GUCY2F: variants seen among roughly 807,000 people sequenced by gnomAD.
The protein encoded by GUCY2F is retinal guanylyl cyclase 2.
A neutral mutation model predicts 73.1 loss-of-function variants in GUCY2F; 61 were observed. The ratio of observed to expected loss-of-function variants is 0.83; its 90% CI spans 0.68 to 1.03. The LOEUF is 1.03. GUCY2F is among the 50% of genes least tolerant of loss of function. The probability of loss-of-function intolerance (pLI) is 0.00; values close to 1 mark genes in which losing one functional copy is unlikely to be tolerated. For synonymous variants in GUCY2F, 331 were observed against 307.8 expected (o/e 1.08, Z -0.79); for missense variants, 912 against 854.3 (o/e 1.07, Z -0.84).
At chrX:109,450,027 G>A (rs187965854) in intron 5 of GUCY2F, among the ~76,000 whole-genome samples, 105 of 111,326 alleles carry the variant, frequency 9.4e-4, no homozygotes, top group Admixed American at 9.2e-3. Context: ...TCTGATTGCA[G>A]CCGTGGTGGG....
At chrX:109,448,759 G>T (rs1157602994) in intron 5 of GUCY2F, among the ~76,000 whole-genome samples, 4 of 112,133 alleles carry the variant, frequency 3.6e-5, no homozygotes, top group African/African-American at 1.3e-4. Flanking sequence ...CAAAGCAACA[G>T]GTTGAAAAGT....
At chrX:109,435,139 A>G (rs1216265040) in intron 7 of GUCY2F, among the ~76,000 whole-genome samples, 1 of 111,603 alleles carries the variant, frequency 9.0e-6, no homozygotes, top group East Asian at 2.8e-4. Flanking sequence ...TGAGCTTTAA[A>G]GTAGTTTTTT....
chrX:109,413,976 C>T (rs914501147), intron 8 of GUCY2F, among the ~76,000 whole-genome samples: 5 of 107,729 alleles, frequency 4.6e-5, no homozygotes, highest in African/African-American at 1.4e-4. Flanking sequence ...GGCAGAGTCT[C>T]GCTCTCGCTC....
At chrX:109,423,749 A>G (rs1258879661) in intron 8 of GUCY2F, among the ~76,000 whole-genome samples, 1 of 108,957 alleles carries the variant, frequency 9.2e-6, no homozygotes, top group African/African-American at 3.3e-5. Flanking sequence ...TAGCTGAAGC[A>G]GTGCTTAGAG....
Position 109,409,060 on chromosome X carries a change from T to A in GUCY2F, c.1900A>T (p.Ile634Leu). 1 of 1,110,318 alleles carries A rather than the reference T, an allele frequency of 9.0e-7. No homozygotes were observed. Among genetic ancestry groups the A allele is most frequent in the Middle Eastern group, 2.4e-4 (1 of 4,111 alleles). 91.5% of individuals were successfully genotyped at this position (1,110,318 alleles called of 1,213,427 possible). A position where few individuals can be genotyped will look rare whatever the true frequency, so the allele number is the denominator to read the frequency against. The change falls in exon 9 of 20, where the codon ATA becomes TTA. Residue 634 changes from isoleucine (I) to leucine (L), a missense_variant. Physicochemically the swap from Ile to Leu is conservative, Grantham distance 5. Coordinates refer to ENST00000218006, the MANE Select transcript of GUCY2F (RefSeq NM_001522.3). Reference sequence around the variant, plus strand: ...AGTTTCACATCTTGATTTGTCAGTATGTCTTCTAGGCTCCCTCGGGAACAG... The same window carrying A: ...AGTTTCACATCTTGATTTGTCAGTAAGTCTTCTAGGCTCCCTCGGGAACAG... ...EFCSRGSLEDILTNQDVKLDW... is the reference protein window; with the variant it reads ...EFCSRGSLEDLLTNQDVKLDW...
rs990076779 is a variant in GUCY2F, at chrX:109,478,325, C to T, written c.-85-2304G>A. 1.2e-4 allele frequency among the ~76,000 whole-genome samples: 14 copies of T among 112,006 alleles called. No homozygotes were observed. In the Admixed American group the frequency reaches 1.3e-3, roughly 11 times the overall value. On this transcript the variant is annotated intron_variant, in intron 1 of 19. Transcript: ENST00000218006. The stretch of plus-strand genomic sequence containing the variant: ...CTCTGCCATGGCAAAATTTGGGAGG[C>T]AGGACACTGTAGGAGCCACTCATCT...
intron 3 of GUCY2F, among the ~76,000 whole-genome samples, chrX:109,455,393 A>G (rs1932237217): frequency 8.9e-6 from 1 of 111,805 alleles, no homozygotes; most frequent in African/African-American, 3.3e-5. Flanking sequence ...TTGTCTAACT[A>G]TCTTACTTTA....
intron 12 of GUCY2F, among the ~76,000 whole-genome samples, chrX:109,394,070 C>A (rs186257851): frequency 7.0e-4 from 78 of 111,674 alleles, no homozygotes; most frequent in African/African-American, 2.5e-3. Context: ...ATTGCCTAAC[C>A]CAGGGAACCT....
chrX:109,459,738 C>A (rs1311018620), intron 3 of GUCY2F, among the ~76,000 whole-genome samples: 2 of 111,780 alleles, frequency 1.8e-5, no homozygotes, highest in Non-Finnish European at 3.8e-5. Context: ...CAGATATTGA[C>A]CAAAAGAAGC....
rs1348335131 is a variant in GUCY2F at position 109,377,205 on chromosome X, C to A, written c.3151-1038G>T. ...CAAAGCATTTTGCAAATATTTGATT[C>A]AAGGCTTGAACAAGCCTTCTATGAG... is the stretch of plus-strand genomic sequence containing the variant. On this transcript the variant is annotated intron_variant, in intron 17 of 19. Transcript: ENST00000218006. 3.6e-5 allele frequency among the ~76,000 whole-genome samples: 4 copies of A among 111,521 alleles called. No individual in the cohort carries two copies. The East Asian group carries it at 1.1e-3, about 31-fold the overall frequency.
chrX:109,431,422 G>C (rs1931607943), intron 7 of GUCY2F, among the ~76,000 whole-genome samples: 1 of 111,607 alleles, frequency 9.0e-6, no homozygotes, highest in African/African-American at 3.3e-5. Flanking sequence ...AACCGGGCCG[G>C]GCGCGGTGGC....
In GUCY2F at chrX:109,385,211, C is replaced by G. The variant is rs895500959; in HGVS notation, c.3028G>C (p.Ala1010Pro). The change falls in exon 16 of 20, where the codon GCT (alanine) becomes CCT (proline). Residue 1010 changes from alanine (A) to proline (P), a missense_variant. Transcript: ENST00000218006. ...AAGCCTGTAGATTCCATCCGAGAAG[C>G]TGTGTTCACAGTGTCTCCAAACAAG... ...YCLFGDTVNTASRMESTGLPY... is the reference protein window; with the variant it reads ...YCLFGDTVNTPSRMESTGLPY... 7.6e-6 allele frequency: 9 copies of G among 1,181,407 alleles called. No homozygotes were observed. Among genetic ancestry groups the G allele is most frequent in the African/African-American group, 5.3e-5 (3 of 56,407 alleles).
intron 12 of GUCY2F, among the ~76,000 whole-genome samples, chrX:109,393,333 T>C (rs1028005596): frequency 3.0e-5 from 3 of 100,563 alleles, no homozygotes; most frequent in African/African-American, 1.1e-4. Flanking sequence ...CTGAGCCGGC[T>C]CCTTCAGTTC....
chrX:109,415,046 A>G (rs1313284668), intron 8 of GUCY2F, among the ~76,000 whole-genome samples: 2 of 111,223 alleles, frequency 1.8e-5, no homozygotes, highest in Non-Finnish European at 3.8e-5. Context: ...GTTATGGCAG[A>G]CCACCATTCC....
At chrX:109,470,462 A>T (rs1932551746) in intron 2 of GUCY2F, among the ~76,000 whole-genome samples, 1 of 111,873 alleles carries the variant, frequency 8.9e-6, no homozygotes, top group Non-Finnish European at 1.9e-5. Flanking sequence ...CAGGGCTGAC[A>T]CCTGGTACGT....
chrX:109,469,913 G>T (rs1199669419), intron 2 of GUCY2F, among the ~76,000 whole-genome samples: 1 of 111,490 alleles, frequency 9.0e-6, no homozygotes, highest in African/African-American at 3.3e-5. Context: ...GTGATGTGTG[G>T]CTATCTCTAT....
At position 109,392,076 on chromosome X, in the gene GUCY2F, G is replaced by T; in HGVS notation, c.2616C>A (p.Gly872=). 5.8e-6 allele frequency: 7 copies of T among 1,204,819 alleles called. No homozygotes were observed. Among genetic ancestry groups the T allele is most frequent in the Non-Finnish European group, 7.8e-6 (7 of 892,064 alleles). ...PPSVAESLKK[G]CTVEPEGFDL... The stretch of plus-strand genomic sequence containing the variant: ...CAAAGCCCTCAGGTTCAACTGTGCA[G>T]CCCTTTTTGAGAGATTCAGCAACTG... Residue 872 remains glycine (G), a synonymous_variant, in exon 14 of 20, where the codon GGC becomes GGA. Coordinates refer to ENST00000218006, the MANE Select transcript of GUCY2F (RefSeq NM_001522.3).
At chrX:109,375,768 C>T (rs926232742) in intron 19 of GUCY2F, 130 bp downstream of exon 19, 32 of 529,071 alleles carry the variant, frequency 6.0e-5, no homozygotes, top group Non-Finnish European at 8.0e-5. Context: ...TTTATTAGAG[C>T]TTGGAAATTC....
In GUCY2F at chrX:109,376,131, T is replaced by C; in HGVS notation, c.3187A>G (p.Lys1063Glu). 8.3e-7 allele frequency: 1 copy of C among 1,204,920 alleles called. No individual in the cohort carries two copies. Among genetic ancestry groups the C allele is most frequent in the Non-Finnish European group, 1.1e-6 (1 of 889,113 alleles). ...GGAAGGGGCTTCATGAAGCCTTTTT[T>C]CCCAATCAGCCAGAAGGTTTCCTCT... ...GTEETFWLIG[K>E]KGFMKPLPVP... is the part of the protein sequence containing the mutation. Residue 1063 changes from lysine (K) to glutamate (E), a missense_variant, in exon 18 of 20, where the codon AAA becomes GAA. By Grantham distance (56) the Lys-to-Glu change is moderately conservative. Transcript: ENST00000218006.
Sources: gnomAD v4.1 joint callset for allele counts (sites outside exome capture counted in the v4.1 genomes callset) on GRCh38, gnomAD v4.1.1 for gene constraint, MANE v1.5 for transcripts, NCBI Gene and HGNC (gene_info 2026-07-23, HGNC 2026-07-21) for gene names.